Variants in FAM53B observed in about 807,000 individuals in gnomAD.
FAM53B encodes family with sequence similarity 53 member B.
FAM53B carries 12 observed loss-of-function variants against 32.7 expected under a neutral mutation model. The ratio of observed to expected loss-of-function variants is 0.37; its 90% CI spans 0.24 to 0.59. The LOEUF (loss-of-function observed/expected upper bound fraction) is 0.59. Among genes scored for constraint, FAM53B ranks in the 20% least tolerant of loss-of-function variants. The pLI is 0.72. For missense variants in FAM53B, 477 were observed against 577.7 expected, an observed-to-expected ratio of 0.83 and a Z score of 1.79; for synonymous variants, 234 against 228.7, an observed-to-expected ratio of 1.02 and a Z score of -0.21.
At position 124,671,750 on chromosome 10, in the gene FAM53B, C is replaced by T. The variant is rs543155566; in HGVS notation, c.906+9857G>A. Among the ~76,000 whole-genome samples the T allele has an allele frequency of 2.0e-5, 3 of 152,226 alleles. No homozygotes were observed. In the South Asian group the frequency reaches 6.2e-4, roughly 32 times the overall value. On this transcript the variant is annotated intron_variant, in intron 4 of 4. Transcript: ENST00000337318. ...TGGTTGCATTATATTTTGCAACCAA[C>T]TGTTGCTTTTGTTTTCCAAGAGTTT...
At chr10:124,688,954 A>G (rs1242064025) in intron 3 of FAM53B, among the ~76,000 whole-genome samples, 1 of 152,244 alleles carries the variant, frequency 6.6e-6, no homozygotes, top group Non-Finnish European at 1.5e-5. Flanking sequence ...TCACATAAGT[A>G]CAGAATGTGG....
chr10:124,636,945 G>C (rs955699001), intron 4 of FAM53B, among the ~76,000 whole-genome samples: 4 of 152,102 alleles, frequency 2.6e-5, no homozygotes, highest in Middle Eastern at 3.4e-3. Flanking sequence ...TCTCGATCTG[G>C]GGGGAGCGAG....
At chr10:124,719,602 C>T (rs978032159) in intron 1 of FAM53B, among the ~76,000 whole-genome samples, 1 of 152,196 alleles carries the variant, frequency 6.6e-6, no homozygotes, top group Non-Finnish European at 1.5e-5. Context: ...GCTTGAAAGA[C>T]TGCCAAGTAC....
chr10:124,668,780 C>T (rs562583434), intron 4 of FAM53B, among the ~76,000 whole-genome samples: 6 of 152,372 alleles, frequency 3.9e-5, no homozygotes, highest in Admixed American at 1.3e-4. Context: ...TGGCGGAGCA[C>T]GGTACGGCAC....
intron 4 of FAM53B, among the ~76,000 whole-genome samples, chr10:124,644,072 G>A (rs1482807507): frequency 2.6e-5 from 4 of 152,150 alleles, no homozygotes; most frequent in East Asian, 1.9e-4. Flanking sequence ...TTCACCACCC[G>A]GTGCCTGCTC....
intron 1 of FAM53B, among the ~76,000 whole-genome samples, chr10:124,722,507 C>T (rs1950075614): frequency 6.6e-6 from 1 of 152,000 alleles, no homozygotes; most frequent in Admixed American, 6.5e-5. Flanking sequence ...TGGAAGGATA[C>T]AAAGGAAACT....
rs200991314 is a variant in FAM53B, at chr10:124,724,647, G to GTAAA, written c.-174-17764_-174-17761dup. Among the ~76,000 whole-genome samples the GTAAA allele has an allele frequency of 1.3e-3, 193 of 152,292 alleles. 1 individual carries two copies. The highest frequency in any genetic ancestry group is 4.3e-3 in the African/African-American group (178 of 41,540). On this transcript the variant is annotated intron_variant, in intron 1 of 4. Coordinates refer to ENST00000337318, the MANE Select transcript of FAM53B (RefSeq NM_014661.4). ...AGGTCGTCCCAAACCTCCCTCTTTT[G>GTAAA]TAAATGGCAGCATAAAGGTAGGAAG...
In FAM53B at chr10:124,733,125, C is replaced by A. The variant is rs938120881; in HGVS notation, c.-175+10888G>T. The stretch of plus-strand genomic sequence containing the variant: ...AAACCATCTGTGGCTAACTTACTCA[C>A]TTTCTTCTTCCCTTAGGAGTAAATG... On this transcript the variant is annotated intron_variant, in intron 1 of 4. Coordinates refer to ENST00000337318, the MANE Select transcript of FAM53B (RefSeq NM_014661.4). This position sits in a 1 kb window ranked among gnomAD's most constrained non-coding sequence, Gnocchi z 4.3. Among the ~76,000 whole-genome samples, 1 of 152,250 alleles carries A rather than the reference C, an allele frequency of 6.6e-6. No individual in the cohort carries two copies. The highest frequency in any genetic ancestry group is 1.5e-5 in the Non-Finnish European group (1 of 68,048).
chr10:124,702,371 G>A (rs963615414), intron 2 of FAM53B, among the ~76,000 whole-genome samples: 1 of 152,240 alleles, frequency 6.6e-6, no homozygotes, highest in African/African-American at 2.4e-5. Context: ...AACTTCCTCT[G>A]AACCTTTGCT....
At chr10:124,628,091 C>A (rs1336314255) in intron 4 of FAM53B, among the ~76,000 whole-genome samples, 5 of 152,238 alleles carry the variant, frequency 3.3e-5, no homozygotes, top group Non-Finnish European at 7.3e-5. Context: ...TGTTCCTGGG[C>A]CAGCAGGGTG....
In FAM53B at chr10:124,733,487, C is replaced by T. The variant is rs929111758; in HGVS notation, c.-175+10526G>A. Among the ~76,000 whole-genome samples the T allele has an allele frequency of 1.2e-4, 19 of 152,108 alleles. No homozygotes were observed. The highest frequency in any genetic ancestry group is 4.6e-4 in the African/African-American group (19 of 41,410). On this transcript the variant is annotated intron_variant, in intron 1 of 4. Coordinates refer to ENST00000337318, the MANE Select transcript of FAM53B (RefSeq NM_014661.4). The surrounding 1 kb of genome is among the most constrained non-coding windows in gnomAD (Gnocchi z 4.3). ...GGGGCACCGAAGCTCCCTCTTCCAT[C>T]GCACCAACACGGTTAGGTGCCTGTT...
intron 4 of FAM53B, among the ~76,000 whole-genome samples, chr10:124,636,686 C>G (rs961788056): frequency 1.2e-4 from 18 of 151,462 alleles, no homozygotes; most frequent in Non-Finnish European, 2.5e-4. Flanking sequence ...CCAGGCCGGG[C>G]CCCATCCTGC....
chr10:124,660,770 G>A (rs1163662353), intron 4 of FAM53B, among the ~76,000 whole-genome samples: 9 of 152,218 alleles, frequency 5.9e-5, no homozygotes, highest in African/African-American at 2.2e-4. Flanking sequence ...TAGAGAGCCA[G>A]AGAGTAAATA....
intron 1 of FAM53B, among the ~76,000 whole-genome samples, chr10:124,722,070 T>TA (rs1950071559): frequency 6.6e-6 from 1 of 152,160 alleles, no homozygotes; most frequent in Non-Finnish European, 1.5e-5. Context: ...AGAGATTTGT[T>TA]AAAGGATACA....
At chr10:124,701,607 A>G (rs1435405607) in intron 2 of FAM53B, among the ~76,000 whole-genome samples, 1 of 152,242 alleles carries the variant, frequency 6.6e-6, no homozygotes, top group Non-Finnish European at 1.5e-5. Flanking sequence ...ACAGTGCTCC[A>G]AGGTCAAACG....
At chr10:124,684,053 G>C (rs971287157) in intron 3 of FAM53B, among the ~76,000 whole-genome samples, 1 of 152,194 alleles carries the variant, frequency 6.6e-6, no homozygotes, top group Non-Finnish European at 1.5e-5. Flanking sequence ...CAGAGCTAAC[G>C]GTGGTACTCC....
At chr10:124,727,220 G>C (rs540126122) in intron 1 of FAM53B, among the ~76,000 whole-genome samples, 1 of 150,784 alleles carries the variant, frequency 6.6e-6, no homozygotes, top group Non-Finnish European at 1.5e-5. Flanking sequence ...TTTTCTCTAC[G>C]TTGACTAGGC....
chr10:124,675,561 A>T (rs1260972037), intron 4 of FAM53B, among the ~76,000 whole-genome samples: 1 of 152,260 alleles, frequency 6.6e-6, no homozygotes, highest in Non-Finnish European at 1.5e-5. Flanking sequence ...ACTCATGAGC[A>T]ACAGGCACTG....
chr10:124,696,319 G>T, intron 2 of FAM53B, 107 bp from the exon 3 acceptor site: 1 of 940,246 alleles, frequency 1.1e-6, no homozygotes, highest in Non-Finnish European at 1.7e-6. Flanking sequence ...ACTGTCCTTT[G>T]CCAATGTCAG....
Sources: gnomAD v4.1 joint callset for allele counts (sites outside exome capture counted in the v4.1 genomes callset) on GRCh38, gnomAD v4.1.1 for gene constraint, Gnocchi (gnomAD v3.1) non-coding constraint, MANE v1.5 for transcripts, NCBI Gene and HGNC (gene_info 2026-07-23, HGNC 2026-07-21) for gene names.